RABGAP1L: variants seen among roughly 807,000 people sequenced by gnomAD.
The protein encoded by RABGAP1L is RAB GTPase activating protein 1 like.
In RABGAP1L, 63 loss-of-function variants were observed where a neutral mutation model predicts 137.7. The ratio of observed to expected loss-of-function variants is 0.46; its 90% CI spans 0.37 to 0.56. The LOEUF (loss-of-function observed/expected upper bound fraction) is 0.56, where lower values mean the gene tolerates loss of function less well. RABGAP1L is among the 20% of genes least tolerant of loss of function. RABGAP1L has a pLI of 0.00. For missense variants in RABGAP1L, 1,095 were observed against 1,244.0 expected (o/e 0.88, Z 1.80); for synonymous variants, 431 against 433.7 (o/e 0.99, Z 0.08).
At chr1:174,616,336 A>G (rs1256217742) in intron 13 of RABGAP1L, among the ~76,000 whole-genome samples, 2 of 152,196 alleles carry the variant, frequency 1.3e-5, no homozygotes, top group Admixed American at 6.5e-5. Flanking sequence ...TGTTGTCTAA[A>G]TGATGTTGGG....
intron 16 of RABGAP1L, among the ~76,000 whole-genome samples, 183 bp from the exon 17 acceptor site, chr1:174,701,930 A>G (rs749491168): frequency 4.6e-5 from 7 of 152,024 alleles, no homozygotes; most frequent in African/African-American, 9.7e-5. Flanking sequence ...TTCCTCAATT[A>G]TCTGTCATAT....
chr1:174,920,541 A>G (rs1398169254), intron 19 of RABGAP1L, among the ~76,000 whole-genome samples: 1 of 152,188 alleles, frequency 6.6e-6, no homozygotes, highest in Non-Finnish European at 1.5e-5. Flanking sequence ...CATATCAACT[A>G]CTGTTACGAG....
chr1:174,810,798 G>A (rs1379362781), intron 18 of RABGAP1L, among the ~76,000 whole-genome samples: 1 of 151,966 alleles, frequency 6.6e-6, no homozygotes, highest in East Asian at 1.9e-4. Flanking sequence ...ATAACAAAAT[G>A]TAATGAAAAA....
intron 13 of RABGAP1L, among the ~76,000 whole-genome samples, chr1:174,552,629 T>C (rs979800389): frequency 6.6e-6 from 1 of 152,192 alleles, no homozygotes; most frequent in Non-Finnish European, 1.5e-5. Context: ...CTATCACTGA[T>C]GGGCATTTAG....
chr1:174,936,971 A>ATTTTTTTT lies in RABGAP1L; in HGVS notation c.2341-20469_2341-20462dup, dbSNP rs909397955. 4.6e-3 allele frequency among the ~76,000 whole-genome samples: 465 copies of ATTTTTTTT among 101,496 alleles called. 12 individuals carry two copies. The highest frequency in any genetic ancestry group is 0.013 in the African/African-American group (300 of 22,814). The allele number at this position is 101,496 out of a possible 152,430, so 66.6% of individuals were successfully genotyped here. A position where few individuals can be genotyped will look rare whatever the true frequency, so the allele number is the denominator to read the frequency against. On this transcript the variant is annotated intron_variant, in intron 19 of 25. Coordinates refer to ENST00000681986, the MANE Select transcript of RABGAP1L (RefSeq NM_001366446.1). ...AAGGACCATAATTTTTATAAGATTAATTTTTTTTTTTTTTTTTTTTTTTTG... is the reference window on the plus strand; with the variant it reads ...AAGGACCATAATTTTTATAAGATTAATTTTTTTTTTTTTTTTTTTTTTTTTTTTTTTTG...
chr1:174,199,432 C>A (rs541527605), intron 1 of RABGAP1L, among the ~76,000 whole-genome samples: 1 of 152,088 alleles, frequency 6.6e-6, no homozygotes, highest in Non-Finnish European at 1.5e-5. Flanking sequence ...GCTAGGATTA[C>A]AGGCGTATAC....
intron 13 of RABGAP1L, among the ~76,000 whole-genome samples, chr1:174,596,922 A>G (rs1228451193): frequency 6.6e-6 from 1 of 152,134 alleles, no homozygotes; most frequent in Admixed American, 6.5e-5. Context: ...AAATTTAATC[A>G]TGAAGAGATG....
chr1:174,267,728 T>C (rs1439447114), intron 7 of RABGAP1L, among the ~76,000 whole-genome samples: 1 of 152,246 alleles, frequency 6.6e-6, no homozygotes, highest in African/African-American at 2.4e-5. Context: ...TAAAATACTT[T>C]AATTTTTGTG....
chr1:174,710,469 A>C (rs183327741), intron 17 of RABGAP1L, among the ~76,000 whole-genome samples: 103 of 152,362 alleles, frequency 6.8e-4, no homozygotes, highest in Admixed American at 1.9e-3. Flanking sequence ...TCAGACTAAC[A>C]GTGGATCTCT....
chr1:174,677,159 CA>C (rs10636911), intron 14 of RABGAP1L, among the ~76,000 whole-genome samples: 3,430 of 126,182 alleles, frequency 0.027, 79 homozygotes, highest in Middle Eastern at 0.093. Flanking sequence ...CCATCTCTAC[CA>C]AAAAAAAAAA....
At chr1:174,732,711 C>T (rs1357267664) in intron 17 of RABGAP1L, among the ~76,000 whole-genome samples, 2 of 152,092 alleles carry the variant, frequency 1.3e-5, no homozygotes, top group Admixed American at 1.3e-4. Flanking sequence ...GGCAAATCCA[C>T]ACAATGAAGC....
intron 13 of RABGAP1L, among the ~76,000 whole-genome samples, chr1:174,406,564 CAG>C (rs1649306343): frequency 6.6e-6 from 1 of 152,148 alleles, no homozygotes; most frequent in African/African-American, 2.4e-5. Flanking sequence ...CACTGAGAGT[CAG>C]AGGATTGCTT....
intron 11 of RABGAP1L, among the ~76,000 whole-genome samples, chr1:174,316,210 A>G (rs1161289837): frequency 6.6e-6 from 1 of 152,156 alleles, no homozygotes; most frequent in African/African-American, 2.4e-5. Flanking sequence ...GAAGTTTCAC[A>G]TATCTCTGTT....
chr1:174,767,801 C>CA (rs1284989755), intron 18 of RABGAP1L, among the ~76,000 whole-genome samples: 6 of 151,298 alleles, frequency 4.0e-5, no homozygotes, highest in Admixed American at 1.3e-4. Context: ...GGGCAATTTA[C>CA]AAAAAAAAGG....
At chr1:174,434,166 A>G (rs1312931684) in intron 13 of RABGAP1L, among the ~76,000 whole-genome samples, 1 of 137,854 alleles carries the variant, frequency 7.3e-6, no homozygotes, top group African/African-American at 2.9e-5. Context: ...GCCTGGGGCA[A>G]CTAGGGTTCT....
At chr1:174,450,258 G>A (rs1655279446) in intron 13 of RABGAP1L, among the ~76,000 whole-genome samples, 1 of 152,026 alleles carries the variant, frequency 6.6e-6, no homozygotes, top group Non-Finnish European at 1.5e-5. Context: ...AATAAAACAT[G>A]AATCTTTTTT....
At chr1:174,544,123 T>G (rs899325453) in intron 13 of RABGAP1L, among the ~76,000 whole-genome samples, 12 of 152,228 alleles carry the variant, frequency 7.9e-5, no homozygotes, top group African/African-American at 2.9e-4. Flanking sequence ...CTGTATTTCC[T>G]GAATTTGAAT....
At chr1:174,909,985 A>G (rs955207017) in intron 19 of RABGAP1L, among the ~76,000 whole-genome samples, 4 of 152,170 alleles carry the variant, frequency 2.6e-5, no homozygotes, top group Non-Finnish European at 4.4e-5. Context: ...TAAAAATACA[A>G]AATATTAGCT....
At chr1:174,241,746 AC>A in intron 5 of RABGAP1L, 89 bp downstream of exon 5, 1 of 1,121,510 alleles carries the variant, frequency 8.9e-7, no homozygotes, top group South Asian at 1.7e-5. Context: ...TAAATATGTT[AC>A]ATAAATTTGG....
Sources: gnomAD v4.1 joint callset for allele counts (sites outside exome capture counted in the v4.1 genomes callset) on GRCh38, gnomAD v4.1.1 for gene constraint, MANE v1.5 for transcripts, NCBI Gene and HGNC (gene_info 2026-07-23, HGNC 2026-07-21) for gene names.